The following MLIP variants were observed in gnomAD, a reference collection of about 807,000 sequenced individuals.
The protein encoded by MLIP is muscular LMNA-interacting protein.
MLIP carries 79 observed loss-of-function variants against 84.8 expected under a neutral mutation model. That is an observed-to-expected ratio of 0.93 (90% CI 0.78 to 1.12). The LOEUF (loss-of-function observed/expected upper bound fraction) is 1.12. Among genes scored for constraint, MLIP ranks in the 50% most tolerant of loss-of-function variants. The pLI is 0.00. For synonymous variants in MLIP, 504 were observed against 463.0 expected (o/e 1.09, Z -1.14); for missense variants, 1,257 against 1,160.6 (o/e 1.08, Z -1.21).
chr6:54,160,262 T>A, intron 5 of MLIP, 105 bp from the exon 6 acceptor site: 1 of 852,298 alleles, frequency 1.2e-6, no homozygotes, highest in Non-Finnish European at 1.8e-6. Flanking sequence ...TGTAAATATT[T>A]TTTTCTTGGA....
intron 1 of MLIP, among the ~76,000 whole-genome samples, chr6:54,080,644 T>C (rs1217096052): frequency 6.7e-6 from 1 of 150,178 alleles, no homozygotes; most frequent in African/African-American, 2.4e-5. Context: ...GAAAACATAT[T>C]TTTATATATA....
intron 1 of MLIP, among the ~76,000 whole-genome samples, chr6:54,094,054 T>G (rs1473243502): frequency 6.6e-6 from 1 of 152,174 alleles, no homozygotes; most frequent in Non-Finnish European, 1.5e-5. Flanking sequence ...GAATTACAAT[T>G]ATTATGTTGG....
chr6:54,086,273 C>T (rs1487472334), intron 1 of MLIP, among the ~76,000 whole-genome samples: 6 of 152,140 alleles, frequency 3.9e-5, no homozygotes, highest in South Asian at 2.1e-4. Flanking sequence ...ATTCTAGGCT[C>T]ATATATCTAA....
chr6:54,046,047 G>A (rs1010216624), intron 1 of MLIP: 3 of 152,150 alleles, frequency 2.0e-5, no homozygotes, highest in African/African-American at 7.2e-5. Flanking sequence ...CCTCTCTCTA[G>A]GTAAGATTAT....
At chr6:54,223,997 A>G (rs1442703133) in intron 11 of MLIP, among the ~76,000 whole-genome samples, 1 of 152,056 alleles carries the variant, frequency 6.6e-6, no homozygotes, top group Non-Finnish European at 1.5e-5. Context: ...CCAAGTAAGC[A>G]TTCAATTTGG....
intron 12 of MLIP, among the ~76,000 whole-genome samples, chr6:54,234,668 C>G (rs1260883905): frequency 6.6e-6 from 1 of 152,210 alleles, no homozygotes; most frequent in Non-Finnish European, 1.5e-5. Flanking sequence ...CTCTACCACT[C>G]TACTGAAATT....
intron 13 of MLIP, among the ~76,000 whole-genome samples, chr6:54,263,247 G>C (rs1783496488): frequency 6.6e-6 from 1 of 151,978 alleles, no homozygotes; most frequent in African/African-American, 2.4e-5. Context: ...TTTGACCCCA[G>C]ATTCAACATT....
chr6:54,151,539 C>T (rs1188749020), intron 5 of MLIP, among the ~76,000 whole-genome samples: 1 of 152,214 alleles, frequency 6.6e-6, no homozygotes, highest in African/African-American at 2.4e-5. Flanking sequence ...TTTTAAATCA[C>T]AGAAGGTTTT....
Position 54,187,403 on chromosome 6 carries a change from AG to A in MLIP, c.2545-2461del, listed in dbSNP as rs552353216. 5.9e-5 allele frequency among the ~76,000 whole-genome samples: 9 copies of A among 152,314 alleles called. No individual in the cohort carries two copies. In the East Asian group the frequency reaches 1.5e-3, roughly 26 times the overall value. ...AATACAAGCAACATGGTATTTAACG[AG>A]GGGGGACTATAACAAATCTGGAAAA... On this transcript the variant is annotated intron_variant, in intron 9 of 13. Coordinates refer to ENST00000502396, the MANE Select transcript of MLIP (RefSeq NM_001281747.2).
Position 54,059,160 on chromosome 6 carries a change from CT to C in MLIP, c.63+40072del, listed in dbSNP as rs201161594. 3.2e-4 allele frequency among the ~76,000 whole-genome samples: 49 copies of C among 152,296 alleles called. No homozygotes were observed. The East Asian group carries it at 9.1e-3, about 28-fold the overall frequency. ...TCTAAGGGCCTACCTAGCTTGCATG[CT>C]TTCCTTCCTTCCCTTTCTTCCCCAT... On this transcript the variant is annotated intron_variant, in intron 1 of 12. Coordinates refer to the MLIP transcript ENST00000274897.
At chr6:54,045,377 G>T (rs1339032546) in intron 1 of MLIP, 1 of 151,814 alleles carries the variant, frequency 6.6e-6, no homozygotes, top group Non-Finnish European at 1.5e-5. Context: ...GAGGAATGGT[G>T]ATGCACCATG....
intron 1 of MLIP, among the ~76,000 whole-genome samples, chr6:54,116,544 A>T (rs894354882): frequency 6.6e-6 from 1 of 152,234 alleles, no homozygotes; most frequent in African/African-American, 2.4e-5. Context: ...AGAATGAATT[A>T]TGAAGAACAG....
chr6:54,055,697 A>G (rs1765623440), intron 1 of MLIP, among the ~76,000 whole-genome samples: 2 of 152,180 alleles, frequency 1.3e-5, no homozygotes, highest in Non-Finnish European at 2.9e-5. Flanking sequence ...CATAATAAAT[A>G]TGATTATTAA....
In MLIP at chr6:54,038,522, T is replaced by A. The variant is rs113328604; in HGVS notation, c.63+19431T>A. 4.1e-3 allele frequency among the ~76,000 whole-genome samples: 628 copies of A among 152,074 alleles called. 4 individuals carry two copies. Among genetic ancestry groups the A allele is most frequent in the African/African-American group, 0.014 (596 of 41,560 alleles). On this transcript the variant is annotated intron_variant, in intron 1 of 12. Transcript: ENST00000274897. ...TTTCTTTACTAGAATAATTTATGTT[T>A]ATTCAATTTATTAAAAGCTCTGTTC...
chr6:54,225,784 A>T (rs1203993700), intron 11 of MLIP, among the ~76,000 whole-genome samples: 1 of 152,196 alleles, frequency 6.6e-6, no homozygotes, highest in Non-Finnish European at 1.5e-5. Flanking sequence ...ACCCTTAAGG[A>T]CTTTCAGTAA....
intron 8 of MLIP, among the ~76,000 whole-genome samples, chr6:54,166,953 C>T (rs746613296): frequency 1.3e-5 from 2 of 151,828 alleles, no homozygotes; most frequent in Non-Finnish European, 2.9e-5. Flanking sequence ...TGCTCAAGGC[C>T]GAAAACTTTG....
At chr6:54,155,460 G>C (rs941263691) in intron 5 of MLIP, among the ~76,000 whole-genome samples, 4 of 152,218 alleles carry the variant, frequency 2.6e-5, no homozygotes, top group Non-Finnish European at 4.4e-5. Flanking sequence ...ACTCAGGAAT[G>C]AAATTTTTGA....
At chr6:54,227,326 T>A (rs1780644945) in intron 11 of MLIP, among the ~76,000 whole-genome samples, 1 of 151,954 alleles carries the variant, frequency 6.6e-6, no homozygotes, top group Non-Finnish European at 1.5e-5. Context: ...GAGGACAAAT[T>A]AACTAAACCT....
chr6:54,141,417 C>T (rs1044788832), intron 4 of MLIP, among the ~76,000 whole-genome samples: 4 of 149,662 alleles, frequency 2.7e-5, no homozygotes, highest in African/African-American at 9.9e-5. Flanking sequence ...AATGATTCTC[C>T]TGCCTCAGCC....
Sources: allele counts gnomAD v4.1 joint callset (sites outside exome capture counted in the v4.1 genomes callset), GRCh38; gene constraint gnomAD v4.1.1; transcripts MANE v1.5; gene names NCBI Gene and HGNC (gene_info 2026-07-23, HGNC 2026-07-21).